The following ZNF157 variants were observed in gnomAD, a reference collection of about 807,000 sequenced individuals.
The protein encoded by ZNF157 is zinc finger protein 22.
Under a neutral mutation model 9.4 loss-of-function variants are expected in ZNF157, and 8 were observed. That is an observed-to-expected ratio of 0.85 (90% CI 0.50 to 1.53). The LOEUF (loss-of-function observed/expected upper bound fraction) is 1.53. Ranked by LOEUF, ZNF157 falls within the 40% of genes most tolerant of loss-of-function variation. The pLI is 0.00. For missense variants in ZNF157, 316 were observed against 385.2 expected, an observed-to-expected ratio of 0.82 and a Z score of 1.50; for synonymous variants, 120 against 130.8, an observed-to-expected ratio of 0.92 and a Z score of 0.56.
rs763085362 is a variant in ZNF157 at position 47,412,695 on chromosome X, C to T, written c.622C>T (p.His208Tyr). 2.5e-6 allele frequency: 3 copies of T among 1,211,737 alleles called. No individual in the cohort carries two copies. The highest frequency in any genetic ancestry group is 1.8e-5 in the South Asian group (1 of 56,969). The change falls in exon 4 of 4, where the codon CAT (histidine) becomes TAT (tyrosine). Residue 208 changes from histidine (H) to tyrosine (Y), a missense_variant. Physicochemically the swap from His to Tyr is moderately conservative, Grantham distance 83 (BLOSUM62 2). This residue lies in a region of ZNF157 where 146 missense variants were observed against 183.8 expected (regional missense o/e 0.79). Coordinates refer to ENST00000377073, the MANE Select transcript of ZNF157 (RefSeq NM_003446.4). ...TFSARSYLIAHQKTHTGERPF... is the reference protein window; with the variant it reads ...TFSARSYLIAYQKTHTGERPF... ...CAGTGCAAGATCATACCTCATTGCT[C>T]ATCAGAAAACTCACACAGGGGAGAG... is the stretch of plus-strand genomic sequence containing the variant.
chrX:47,411,915 G>A (rs183412177), intron 3 of ZNF157, among the ~76,000 whole-genome samples: 2 of 111,456 alleles, frequency 1.8e-5, no homozygotes, highest in Non-Finnish European at 3.8e-5. Context: ...GAAAATCAGT[G>A]CAAGGTAAGA....
rs190636937 is a variant in ZNF157, at chrX:47,379,185, G to A, written c.72+8445G>A. Among the ~76,000 whole-genome samples, 14 of 108,246 alleles carry A rather than the reference G, an allele frequency of 1.3e-4. No homozygotes were observed. In the East Asian group the frequency reaches 4.1e-3, roughly 32 times the overall value. 94.0% of individuals were successfully genotyped at this position (108,246 alleles called of 115,157 possible). A position where few individuals can be genotyped will look rare whatever the true frequency, so the allele number is the denominator to read the frequency against. On this transcript the variant is annotated intron_variant, in intron 1 of 3. Coordinates refer to ENST00000377073, the MANE Select transcript of ZNF157 (RefSeq NM_003446.4). ...ACATATATATTTTTATAGAGATGGGGTCTCACTAGGTTGCCCAGGCTGGTC... is the reference window on the plus strand; with the variant it reads ...ACATATATATTTTTATAGAGATGGGATCTCACTAGGTTGCCCAGGCTGGTC...
chrX:47,387,124 AT>A (rs753975045), intron 1 of ZNF157, among the ~76,000 whole-genome samples: 1,207 of 86,573 alleles, frequency 0.014, 7 homozygotes, highest in Admixed American at 0.02. Context: ...TGCCCTGCTA[AT>A]TTTTTTTTTT....
At chrX:47,384,087 T>C (rs1335611529) in intron 1 of ZNF157, among the ~76,000 whole-genome samples, 1 of 106,700 alleles carries the variant, frequency 9.4e-6, no homozygotes, top group East Asian at 2.9e-4. Flanking sequence ...CTGGCTAACA[T>C]GGTGAAACCC....
intron 1 of ZNF157, among the ~76,000 whole-genome samples, chrX:47,371,056 C>T (rs1026048746): frequency 2.9e-4 from 32 of 111,535 alleles, no homozygotes; most frequent in African/African-American, 1.0e-3. Context: ...TGTGGCTGGA[C>T]GTGGTGGCTC....
At chrX:47,393,096 A>G (rs189522839) in intron 1 of ZNF157, among the ~76,000 whole-genome samples, 2 of 108,796 alleles carry the variant, frequency 1.8e-5, no homozygotes, top group Admixed American at 2.0e-4. Flanking sequence ...CGGAAGTTGC[A>G]GTGAGCCGAG....
At chrX:47,378,793 G>A (rs775409177) in intron 1 of ZNF157, among the ~76,000 whole-genome samples, 9 of 111,291 alleles carry the variant, frequency 8.1e-5, no homozygotes, top group East Asian at 5.6e-4. Flanking sequence ...AGCCGAGATC[G>A]TGCCACTGCA....
chrX:47,392,607 A>C (rs900105698), intron 1 of ZNF157, among the ~76,000 whole-genome samples: 4 of 111,812 alleles, frequency 3.6e-5, no homozygotes, highest in Admixed American at 9.6e-5. Context: ...ATTTATGTCC[A>C]TCCCACATGC....
chrX:47,408,404 C>T (rs891491990), intron 1 of ZNF157, among the ~76,000 whole-genome samples: 8 of 110,469 alleles, frequency 7.2e-5, no homozygotes, highest in Non-Finnish European at 9.5e-5. Context: ...CCACCGTGCC[C>T]GGAGGCATAT....
chrX:47,393,168 TCTC>T (rs2055902502), intron 1 of ZNF157, among the ~76,000 whole-genome samples: 1 of 80,942 alleles, frequency 1.2e-5, no homozygotes, highest in African/African-American at 5.0e-5. Flanking sequence ...AAAAAAAAAA[TCTC>T]CTGTTGCTCT....
chrX:47,411,998 G>A (rs1014404449), intron 3 of ZNF157, among the ~76,000 whole-genome samples: 10 of 111,292 alleles, frequency 9.0e-5, no homozygotes, highest in African/African-American at 3.3e-4. Flanking sequence ...TCACTCTGTC[G>A]CCCAGACTGG....
intron 1 of ZNF157, among the ~76,000 whole-genome samples, chrX:47,374,492 C>T (rs1231181485): frequency 4.0e-5 from 4 of 100,783 alleles, no homozygotes; most frequent in Admixed American, 1.1e-4. Context: ...TCTGCCTCCC[C>T]GGCCCAAGCG....
intron 1 of ZNF157, among the ~76,000 whole-genome samples, chrX:47,385,925 G>A (rs1042356564): frequency 1.8e-5 from 2 of 110,510 alleles, no homozygotes; most frequent in African/African-American, 6.6e-5. Flanking sequence ...AGGCTCAGAG[G>A]AAGGTAGTAA....
intron 1 of ZNF157, among the ~76,000 whole-genome samples, chrX:47,393,747 T>TCC (rs2055904937): frequency 2.7e-5 from 2 of 74,324 alleles, no homozygotes; most frequent in Non-Finnish European, 2.6e-5. Flanking sequence ...CCCGCCCTTT[T>TCC]TTTTTTTTTT....
chrX:47,412,572 T>C lies in ZNF157; in HGVS notation c.499T>C (p.Cys167Arg), dbSNP rs1434665831. The C allele has an allele frequency of 8.2e-7, 1 of 1,212,199 alleles. No individual in the cohort carries two copies. The highest frequency in any genetic ancestry group is 1.1e-6 in the Non-Finnish European group (1 of 895,615). Residue 167 changes from cysteine to arginine, a missense_variant, in exon 4 of 4, where the codon TGT becomes CGT. Cys to Arg is a radical substitution (Grantham distance 180). Transcript: ENST00000377073. ...AGATAAAAACTTTGAATGTCATGAA[T>C]GTGGGAAAGCTTACTGTAGGAAGTC... ...RGDKNFECHE[C>R]GKAYCRKSNL...
chrX:47,399,254 G>A (rs190101153), intron 1 of ZNF157, among the ~76,000 whole-genome samples: 50 of 111,526 alleles, frequency 4.5e-4, no homozygotes, highest in African/African-American at 1.6e-3. Flanking sequence ...AAACTCATGG[G>A]GTATCTCAAC....
At chrX:47,384,798 C>G (rs1237020602) in intron 1 of ZNF157, among the ~76,000 whole-genome samples, 1 of 112,413 alleles carries the variant, frequency 8.9e-6, no homozygotes, top group East Asian at 2.8e-4. Context: ...GATTGAAGGA[C>G]ATAAAATAAT....
chrX:47,394,119 G>A (rs749967356), intron 1 of ZNF157, among the ~76,000 whole-genome samples: 4 of 109,564 alleles, frequency 3.7e-5, no homozygotes, highest in Non-Finnish European at 3.8e-5. Context: ...CCGCCACCAC[G>A]CCCGGCTAAT....
intron 1 of ZNF157, among the ~76,000 whole-genome samples, chrX:47,409,722 C>A (rs1165091772): frequency 1.8e-5 from 2 of 108,282 alleles, no homozygotes; most frequent in East Asian, 5.8e-4. Context: ...TGGCTCACTG[C>A]AACCTCCGCC....
Sources: gnomAD v4.1 joint callset for allele counts (sites outside exome capture counted in the v4.1 genomes callset) on GRCh38, gnomAD v4.1.1 for gene constraint, gnomAD v4.1.1 regional missense constraint, MANE v1.5 for transcripts, NCBI Gene and HGNC (gene_info 2026-07-23, HGNC 2026-07-21) for gene names.